Variants in ZDHHC9 observed in about 807,000 individuals in gnomAD.
ZDHHC9 encodes zDHHC palmitoyltransferase 9.
ZDHHC9 carries 3 observed loss-of-function variants against 26.6 expected under a neutral mutation model. The observed-to-expected ratio is 0.11, with a 90% CI of 0.05 to 0.29. The LOEUF is 0.29. Among genes scored for constraint, ZDHHC9 ranks in the 10% least tolerant of loss-of-function variants. ZDHHC9 has a pLI of 1.00. For synonymous variants in ZDHHC9, 111 were observed against 109.4 expected, an observed-to-expected ratio of 1.01 and a Z score of -0.09; for missense variants, 146 against 296.4, an observed-to-expected ratio of 0.49 and a Z score of 3.73.
intron 3 of ZDHHC9, among the ~76,000 whole-genome samples, chrX:129,841,155 C>T (rs1489399353): frequency 9.0e-6 from 1 of 111,512 alleles, no homozygotes; most frequent in East Asian, 2.8e-4. Flanking sequence ...GGTATTACAC[C>T]ACAGAAAAAA....
intron 3 of ZDHHC9, among the ~76,000 whole-genome samples, chrX:129,840,554 C>G (rs1019956331): frequency 9.0e-6 from 1 of 111,723 alleles, no homozygotes; most frequent in Non-Finnish European, 1.9e-5. Context: ...AAATAAGAAG[C>G]CTTCAGCAAC....
At chrX:129,812,294 A>G (rs1245660609) in intron 8 of ZDHHC9, among the ~76,000 whole-genome samples, 1 of 112,144 alleles carries the variant, frequency 8.9e-6, no homozygotes, top group Non-Finnish European at 1.9e-5. Flanking sequence ...CATGTTGGCC[A>G]GGCTGGTCTT....
chrX:129,811,151 CT>C, intron 9 of ZDHHC9, 150 bp from the exon 10 acceptor site: 1 of 524,749 alleles, frequency 1.9e-6, no homozygotes. Context: ...CTCCCATTCA[CT>C]TTTTCTTCCA....
intron 3 of ZDHHC9, among the ~76,000 whole-genome samples, chrX:129,831,215 C>T (rs1012395833): frequency 1.8e-5 from 2 of 111,763 alleles, no homozygotes; most frequent in African/African-American, 6.5e-5. Flanking sequence ...AAGCATGAGG[C>T]TTCATTTCAT....
intron 8 of ZDHHC9, among the ~76,000 whole-genome samples, chrX:129,811,962 A>C (rs924964149): frequency 3.6e-5 from 4 of 112,047 alleles, no homozygotes; most frequent in African/African-American, 1.3e-4. Context: ...ACAAGTCTAG[A>C]ATATATAAAT....
rs1400695376 is a variant in ZDHHC9 at position 129,829,038 on chromosome X, G to C, written c.271C>G (p.Pro91Ala). ...GGTAGCGCCCGAGGAATCACTCCAG[G>C]GTCACTGAAGCTGGTCCTCAACAGT... The part of the protein sequence containing the change: ...ATLLRTSFSD[P>A]GVIPRALPDE... The change falls in exon 4 of 11, where the codon CCT becomes GCT. Residue 91 changes from proline to alanine, a missense_variant. Transcript: ENST00000357166. The C allele has an allele frequency of 8.3e-7, 1 of 1,211,547 alleles. No homozygotes were observed. The highest frequency in any genetic ancestry group is 3.0e-5 in the East Asian group (1 of 33,833).
chrX:129,823,794 A>C lies in ZDHHC9; in HGVS notation c.372T>G (p.Pro124=). The C allele has an allele frequency of 8.3e-7, 1 of 1,211,655 alleles. No homozygotes were observed. The highest frequency in any genetic ancestry group is 1.1e-6 in the Non-Finnish European group (1 of 895,385). Residue 124 remains proline, a synonymous_variant, in exon 5 of 11, where the codon CCT becomes CCG. Transcript: ENST00000357166. The part of the protein sequence containing the change: ...GAVPQGQRPP[P]RIKNFQINNQ... Reference sequence around the variant, plus strand: ...TGTTTATCTGGAAATTCTTGATACGAGGCGGTGGTCGCTGGCCCTGGGGCA... The same window carrying C: ...TGTTTATCTGGAAATTCTTGATACGCGGCGGTGGTCGCTGGCCCTGGGGCA...
chrX:129,812,745 C>A lies in ZDHHC9; in HGVS notation c.750G>T (p.Val250=). ...VGLTGFHTFL[V]ALNQTTNEDI... ...CTTCATTGGTTGTCTGGTTGAGAGCCACGAGGAAAGTATGAAATCCAGTCA... is the reference window on the plus strand; with the variant it reads ...CTTCATTGGTTGTCTGGTTGAGAGCAACGAGGAAAGTATGAAATCCAGTCA... Residue 250 remains valine (V), a synonymous_variant, in exon 8 of 11, where the codon GTG becomes GTT. Transcript: ENST00000357166. 3 of 1,210,724 alleles carry A rather than the reference C, an allele frequency of 2.5e-6. No individual in the cohort carries two copies. Among genetic ancestry groups the A allele is most frequent in the Non-Finnish European group, 3.4e-6 (3 of 894,871 alleles).
intron 5 of ZDHHC9, among the ~76,000 whole-genome samples, chrX:129,816,545 A>AAAACT (rs1238947001): frequency 1.8e-5 from 2 of 112,229 alleles, no homozygotes; most frequent in Admixed American, 1.9e-4. Flanking sequence ...AAATAGGGCA[A>AAAACT]AAACTAATAA....
intron 4 of ZDHHC9, among the ~76,000 whole-genome samples, chrX:129,827,771 C>G (rs976015712): frequency 1.8e-5 from 2 of 108,801 alleles, no homozygotes; most frequent in Non-Finnish European, 3.8e-5. Flanking sequence ...ACAGCTGCCC[C>G]CTTTCACATT....
chrX:129,832,964 C>CA (rs11317653), intron 3 of ZDHHC9, among the ~76,000 whole-genome samples: 863 of 34,866 alleles, frequency 0.025, 24 homozygotes, highest in East Asian at 0.066. Flanking sequence ...GACTCCACCT[C>CA]AAAAAAAAAA....
chrX:129,816,990 T>C (rs758501056), intron 5 of ZDHHC9, among the ~76,000 whole-genome samples: 35 of 110,677 alleles, frequency 3.2e-4, no homozygotes, highest in Non-Finnish European at 4.9e-4. Context: ...TCAAGCCTCA[T>C]CAGCTGCCCG....
Position 129,823,450 on chromosome X carries a change from G to A in ZDHHC9, c.487+229C>T, listed in dbSNP as rs1489693087. 7.3e-6 allele frequency: 3 copies of A among 409,284 alleles called. No homozygotes were observed. In the Admixed American group the frequency reaches 1.4e-4, roughly 18 times the overall value. The allele number at this position is 409,284 out of a possible 1,213,427, so 33.7% of individuals were successfully genotyped here. A position where few individuals can be genotyped will look rare whatever the true frequency, so the allele number is the denominator to read the frequency against. Reference sequence around the variant, plus strand: ...GTTTATTTTTCTCATTTACTAAAGAGGTTTTTGTAAAGTTTAGGCTAGAGG... The same window carrying A: ...GTTTATTTTTCTCATTTACTAAAGAAGTTTTTGTAAAGTTTAGGCTAGAGG... On this transcript the variant is annotated intron_variant, in intron 5 of 10. Coordinates refer to ENST00000357166, the MANE Select transcript of ZDHHC9 (RefSeq NM_016032.4).
intron 9 of ZDHHC9, 103 bp downstream of exon 9, chrX:129,811,303 G>C: frequency 1.4e-6 from 1 of 718,365 alleles, no homozygotes; most frequent in South Asian, 2.4e-5. Flanking sequence ...AGACCTATTT[G>C]ACACCAAGAG....
rs2275605 is a variant in ZDHHC9, at chrX:129,823,664, T to G, written c.487+15A>C. The G allele has an allele frequency of 1.7e-6, 2 of 1,212,013 alleles. No individual in the cohort carries two copies. Among genetic ancestry groups the G allele is most frequent in the Non-Finnish European group, 2.2e-6 (2 of 895,548 alleles). On this transcript the variant is annotated intron_variant, in intron 5 of 10. Coordinates refer to ENST00000357166, the MANE Select transcript of ZDHHC9 (RefSeq NM_016032.4). ...CAGCCTTTTCCCTAGGCAATGTCCC[T>G]GTAGTTTTACTCACCCACACAGTTG... is the stretch of plus-strand genomic sequence containing the variant.
At chrX:129,836,754 C>A (rs1422353042) in intron 3 of ZDHHC9, among the ~76,000 whole-genome samples, 1 of 112,120 alleles carries the variant, frequency 8.9e-6, no homozygotes, top group Non-Finnish European at 1.9e-5. Context: ...CCTGTTCCTG[C>A]AAGGCTACCA....
chrX:129,821,733 C>T (rs1927892165), intron 5 of ZDHHC9, among the ~76,000 whole-genome samples: 2 of 108,460 alleles, frequency 1.8e-5, no homozygotes. Flanking sequence ...ACCAGCCTGA[C>T]CAACATGGTG....
At chrX:129,809,301 G>A (rs1205503819) in intron 10 of ZDHHC9, among the ~76,000 whole-genome samples, 1 of 112,169 alleles carries the variant, frequency 8.9e-6, no homozygotes, top group African/African-American at 3.2e-5. Flanking sequence ...TAATCAAATG[G>A]TGGAAACAAT....
At chrX:129,841,527 C>A (rs1218487549) in intron 3 of ZDHHC9, among the ~76,000 whole-genome samples, 2 of 112,121 alleles carry the variant, frequency 1.8e-5, no homozygotes, top group African/African-American at 6.5e-5. Flanking sequence ...GACAAACTTT[C>A]TTATTTCCCA....
Sources: allele counts gnomAD v4.1 joint callset (sites outside exome capture counted in the v4.1 genomes callset), GRCh38; gene constraint gnomAD v4.1.1; transcripts MANE v1.5; gene names NCBI Gene and HGNC (gene_info 2026-07-23, HGNC 2026-07-21).